Variants in IL1RAPL1 observed in about 807,000 individuals in gnomAD.
The protein encoded by IL1RAPL1 is interleukin-1 receptor accessory protein-like 1.
Under a neutral mutation model 48.4 loss-of-function variants are expected in IL1RAPL1, and 3 were observed. That is an observed-to-expected ratio of 0.06 (90% CI 0.03 to 0.16). The LOEUF (loss-of-function observed/expected upper bound fraction) is 0.16. Among genes scored for constraint, IL1RAPL1 ranks in the 10% least tolerant of loss-of-function variants. IL1RAPL1 has a pLI of 1.00. For missense variants in IL1RAPL1, 349 were observed against 530.6 expected, an observed-to-expected ratio of 0.66 and a Z score of 3.36; for synonymous variants, 185 against 187.7, an observed-to-expected ratio of 0.99 and a Z score of 0.12.
intron 3 of IL1RAPL1, among the ~76,000 whole-genome samples, chrX:29,294,108 C>T (rs1185814505): frequency 9.1e-6 from 1 of 110,079 alleles, no homozygotes; most frequent in Non-Finnish European, 1.9e-5. Flanking sequence ...GATTAAAGAG[C>T]GTATGAAGGA....
At chrX:29,289,603 C>T (rs1183646800) in intron 3 of IL1RAPL1, among the ~76,000 whole-genome samples, 1 of 111,661 alleles carries the variant, frequency 9.0e-6, no homozygotes, top group Non-Finnish European at 1.9e-5. Context: ...TCTATGTCTA[C>T]AAAAATCCTT....
chrX:28,975,018 G>A (rs1419765308), intron 2 of IL1RAPL1, among the ~76,000 whole-genome samples: 2 of 112,007 alleles, frequency 1.8e-5, no homozygotes, highest in East Asian at 5.6e-4. Flanking sequence ...TTTATTTGAA[G>A]ACATTCAATT....
At chrX:29,290,030 A>G (rs1449943299) in intron 3 of IL1RAPL1, among the ~76,000 whole-genome samples, 2 of 111,932 alleles carry the variant, frequency 1.8e-5, no homozygotes, top group Non-Finnish European at 3.8e-5. Context: ...TTGAAAGAAC[A>G]CAGTAAGTAA....
At chrX:28,881,049 G>A (rs758804566) in intron 2 of IL1RAPL1, among the ~76,000 whole-genome samples, 9 of 110,178 alleles carry the variant, frequency 8.2e-5, no homozygotes, top group Non-Finnish European at 1.7e-4. Flanking sequence ...ATTTGTGGAG[G>A]TATTCCCACC....
chrX:29,933,791 AC>A (rs1020603264), intron 8 of IL1RAPL1, among the ~76,000 whole-genome samples: 4 of 111,118 alleles, frequency 3.6e-5, no homozygotes, highest in Admixed American at 1.9e-4. Context: ...AGTGATGAAT[AC>A]TATAAAAAAT....
intron 2 of IL1RAPL1, among the ~76,000 whole-genome samples, chrX:29,269,428 A>C (rs945788998): frequency 9.0e-6 from 1 of 111,206 alleles, no homozygotes; most frequent in Non-Finnish European, 1.9e-5. Flanking sequence ...TAAAATATAC[A>C]TGAATTTACC....
chrX:28,939,029 A>T (rs750993037), intron 2 of IL1RAPL1, among the ~76,000 whole-genome samples: 1 of 109,783 alleles, frequency 9.1e-6, no homozygotes, highest in Non-Finnish European at 1.9e-5. Context: ...AAAAAAAAAA[A>T]AATAACAGAT....
intron 6 of IL1RAPL1, among the ~76,000 whole-genome samples, chrX:29,766,106 G>A (rs918974776): frequency 6.5e-5 from 7 of 108,016 alleles, no homozygotes; most frequent in Non-Finnish European, 7.6e-5. Context: ...CGAGGTGGAC[G>A]GATCATGGGG....
At chrX:29,468,317 C>T (rs777050115) in intron 5 of IL1RAPL1, among the ~76,000 whole-genome samples, 2 of 112,410 alleles carry the variant, frequency 1.8e-5, no homozygotes, top group East Asian at 2.8e-4. Context: ...TGGAAAGTAT[C>T]GCTTACTTTT....
Position 29,913,425 on chromosome X carries a change from T to C in IL1RAPL1, c.779-4039T>C, listed in dbSNP as rs756872592. Reference sequence around the variant, plus strand: ...ACACACATATATACACATATATGTATACATATATAAACACACATATATATA... The same window carrying C: ...ACACACATATATACACATATATGTACACATATATAAACACACATATATATA... On this transcript the variant is annotated intron_variant, in intron 6 of 10. Transcript: ENST00000378993. Among the ~76,000 whole-genome samples the C allele has an allele frequency of 2.0e-3, 161 of 80,126 alleles. 2 individuals carry two copies. The highest frequency in any genetic ancestry group is 7.7e-3 in the African/African-American group (145 of 18,935). The allele number at this position is 80,126 out of a possible 115,157, so 69.6% of individuals were successfully genotyped here.
chrX:28,896,098 C>T lies in IL1RAPL1; in HGVS notation c.82+106673C>T, dbSNP rs755947262. Among the ~76,000 whole-genome samples, 12 of 111,952 alleles carry T rather than the reference C, an allele frequency of 1.1e-4. No individual in the cohort carries two copies. The East Asian group carries it at 2.3e-3, about 21-fold the overall frequency. On this transcript the variant is annotated intron_variant, in intron 2 of 10. Transcript: ENST00000378993. Reference sequence around the variant, plus strand: ...GTTCTGGAGGAACCCCTGGCAGCTGCGGTTCGGGCATTTGGAGTTCTTCTG... The same window carrying T: ...GTTCTGGAGGAACCCCTGGCAGCTGTGGTTCGGGCATTTGGAGTTCTTCTG...
rs745388879 is a variant in IL1RAPL1, at chrX:29,955,493, G to A, written c.1764G>A (p.Ser588=). 1.2e-5 allele frequency: 15 copies of A among 1,208,800 alleles called. No individual in the cohort carries two copies. Among genetic ancestry groups the A allele is most frequent in the South Asian group, 3.5e-5 (2 of 56,656 alleles). Residue 588 remains serine (S), a synonymous_variant, in exon 11 of 11, where the codon TCG becomes TCA. Transcript: ENST00000378993. ...CTTTTGGGGAGCTGCAGACTGTCTCGGCCATTTCCATGGCCGCGGCCACCT... is the reference window on the plus strand; with the variant it reads ...CTTTTGGGGAGCTGCAGACTGTCTCAGCCATTTCCATGGCCGCGGCCACCT... The part of the protein sequence containing the change: ...QGPFGELQTV[S]AISMAAATST...
chrX:28,891,548 T>C (rs1462271063), intron 2 of IL1RAPL1, among the ~76,000 whole-genome samples: 1 of 112,254 alleles, frequency 8.9e-6, no homozygotes, highest in African/African-American at 3.2e-5. Context: ...AAATGAATCA[T>C]GTAATATGTG....
intron 2 of IL1RAPL1, among the ~76,000 whole-genome samples, chrX:29,180,944 G>A (rs937239409): frequency 8.9e-6 from 1 of 111,909 alleles, no homozygotes; most frequent in African/African-American, 3.2e-5. Flanking sequence ...ACAAAGAAAC[G>A]GAGGGGTGGT....
chrX:29,126,721 C>A (rs1033097009), intron 2 of IL1RAPL1, among the ~76,000 whole-genome samples: 6 of 112,099 alleles, frequency 5.4e-5, no homozygotes, highest in Non-Finnish European at 1.1e-4. Flanking sequence ...ACATCAGTCA[C>A]CTGTGAATTT....
chrX:29,764,610 A>G (rs1252765843), intron 6 of IL1RAPL1, among the ~76,000 whole-genome samples: 1 of 112,272 alleles, frequency 8.9e-6, no homozygotes, highest in Non-Finnish European at 1.9e-5. Flanking sequence ...GACATAAAAA[A>G]GGAGGTTGGA....
intron 5 of IL1RAPL1, among the ~76,000 whole-genome samples, chrX:29,539,071 T>C (rs1921341578): frequency 9.0e-6 from 1 of 111,523 alleles, no homozygotes; most frequent in South Asian, 3.8e-4. Context: ...AGCATCATCC[T>C]GATACCAAAA....
chrX:29,245,885 G>A (rs774963814), intron 2 of IL1RAPL1, among the ~76,000 whole-genome samples: 21 of 110,696 alleles, frequency 1.9e-4, no homozygotes, highest in Non-Finnish European at 3.4e-4. Flanking sequence ...CCTAGGTTAG[G>A]GAACTTTCAT....
At position 29,621,959 on chromosome X, in the gene IL1RAPL1, A is replaced by G. The variant is rs150807260; in HGVS notation, c.704-46471A>G. ...ACGCTGTGGTAACAACCAATATGCT[A>G]TCTTCTTGAGATCCACATTTTTAGC... On this transcript the variant is annotated intron_variant, in intron 5 of 10. Coordinates refer to ENST00000378993, the MANE Select transcript of IL1RAPL1 (RefSeq NM_014271.4). Among the ~76,000 whole-genome samples, 1,031 of 112,006 alleles carry G rather than the reference A, an allele frequency of 9.2e-3. 10 individuals carry two copies. The highest frequency in any genetic ancestry group is 0.032 in the African/African-American group (995 of 30,854).
Sources: allele counts gnomAD v4.1 joint callset (sites outside exome capture counted in the v4.1 genomes callset), GRCh38; gene constraint gnomAD v4.1.1; transcripts MANE v1.5; gene names NCBI Gene and HGNC (gene_info 2026-07-23, HGNC 2026-07-21).